The following ZNF33B variants were observed in gnomAD, a reference collection of about 807,000 sequenced individuals.
ZNF33B encodes the protein zinc finger protein 33B.
ZNF33B carries 29 observed loss-of-function variants against 45.8 expected under a neutral mutation model. The ratio of observed to expected loss-of-function variants is 0.63; its 90% CI spans 0.47 to 0.86. The LOEUF (loss-of-function observed/expected upper bound fraction) is 0.86, where lower values mean the gene tolerates loss of function less well. ZNF33B is among the 40% of genes least tolerant of loss of function. ZNF33B has a pLI of 0.00. For synonymous variants in ZNF33B, 305 were observed against 307.8 expected (o/e 0.99, Z 0.10); for missense variants, 831 against 909.9 (o/e 0.91, Z 1.12).
At chr10:42,624,155 T>G (rs148974939) in intron 4 of ZNF33B, among the ~76,000 whole-genome samples, 195 of 152,266 alleles carry the variant, frequency 1.3e-3, no homozygotes, top group Non-Finnish European at 1.6e-3. Context: ...TTCCTCTTCC[T>G]GTAAGGCACT....
At chr10:42,605,611 G>T (rs909962640) in intron 4 of ZNF33B, among the ~76,000 whole-genome samples, 2 of 152,056 alleles carry the variant, frequency 1.3e-5, no homozygotes, top group Non-Finnish European at 2.9e-5. Flanking sequence ...AGTTCTTTAG[G>T]GTGAAAACAA....
chr10:42,592,554 G>C lies in ZNF33B; in HGVS notation c.*59C>G. Reference sequence around the variant, plus strand: ...ATGTCAACAGGCCCTTCTCCACAGTGTGAAGACTCTGAGGCATTATGGAGG... The same window carrying C: ...ATGTCAACAGGCCCTTCTCCACAGTCTGAAGACTCTGAGGCATTATGGAGG... On this transcript the variant is annotated 3_prime_UTR_variant, in exon 5 of 5. Coordinates refer to ENST00000359467, the MANE Select transcript of ZNF33B (RefSeq NM_006955.3). 6.4e-7 allele frequency: 1 copy of C among 1,564,548 alleles called. No homozygotes were observed. The highest frequency in any genetic ancestry group is 2.2e-5 in the East Asian group (1 of 44,620).
At position 42,592,938 on chromosome 10, in the gene ZNF33B, C is replaced by T. The variant is rs375182481; in HGVS notation, c.2012G>A (p.Gly671Glu). The change falls in exon 5 of 5, where the codon GGA (glycine) becomes GAA (glutamate). Residue 671 changes from glycine (G) to glutamate (E), a missense_variant. Coordinates refer to ENST00000359467, the MANE Select transcript of ZNF33B (RefSeq NM_006955.3). ...QEKPYKCNEC[G>E]KSFCVKSGLI... ...TCCTGACTTCACACAGAAAGATTTTCCACATTCGTTACATTTATAAGGCTT... is the reference window on the plus strand; with the variant it reads ...TCCTGACTTCACACAGAAAGATTTTTCACATTCGTTACATTTATAAGGCTT... 30 of 1,613,660 alleles carry T rather than the reference C, an allele frequency of 1.9e-5. No homozygotes were observed. The highest frequency in any genetic ancestry group is 4.2e-6 in the Non-Finnish European group (5 of 1,179,950).
intron 4 of ZNF33B, among the ~76,000 whole-genome samples, chr10:42,603,789 T>G (rs1217001018): frequency 7.3e-6 from 1 of 137,754 alleles, no homozygotes; most frequent in Non-Finnish European, 1.7e-5. Flanking sequence ...ACAGAAAGAT[T>G]CACTCAAAGA....
rs1408532047 is a variant in ZNF33B, at chr10:42,593,327, T to C, written c.1623A>G (p.Thr541=). Residue 541 remains threonine, a synonymous_variant, in exon 5 of 5, where the codon ACA becomes ACG. Coordinates refer to ENST00000359467, the MANE Select transcript of ZNF33B (RefSeq NM_006955.3). ...GKTFCLKSDL[T]IHQRTHTGEK... is the part of the protein sequence containing the mutation. Reference sequence around the variant, plus strand: ...CCCCTGTGTGCGTTCTCTGATGTATTGTGAGGTCTGACTTCAAGCAGAAGG... The same window carrying C: ...CCCCTGTGTGCGTTCTCTGATGTATCGTGAGGTCTGACTTCAAGCAGAAGG... 8 of 1,612,102 alleles carry C rather than the reference T, an allele frequency of 5.0e-6. No homozygotes were observed. The highest frequency in any genetic ancestry group is 6.8e-6 in the Non-Finnish European group (8 of 1,179,326).
intron 2 of ZNF33B, among the ~76,000 whole-genome samples, chr10:42,633,131 G>T (rs557277229): frequency 6.6e-6 from 1 of 152,246 alleles, no homozygotes; most frequent in East Asian, 1.9e-4. Context: ...TTCTCATTTA[G>T]ATTTAAAAAT....
chr10:42,613,916 G>A (rs958409389), intron 4 of ZNF33B, among the ~76,000 whole-genome samples: 1 of 152,122 alleles, frequency 6.6e-6, no homozygotes, highest in African/African-American at 2.4e-5. Context: ...ATTTCAGAAA[G>A]GAAATATATA....
At chr10:42,627,040 T>C (rs1050871429) in intron 4 of ZNF33B, among the ~76,000 whole-genome samples, 1 of 152,080 alleles carries the variant, frequency 6.6e-6, no homozygotes, top group African/African-American at 2.4e-5. Context: ...TTTTGCTCTG[T>C]TGCCCAGGCT....
intron 4 of ZNF33B, among the ~76,000 whole-genome samples, chr10:42,604,586 A>G (rs1043707688): frequency 1.3e-5 from 2 of 152,148 alleles, no homozygotes; most frequent in African/African-American, 4.8e-5. Context: ...TTCAAAAATT[A>G]TAACTGCAAT....
At position 42,612,466 on chromosome 10, in the gene ZNF33B, C is replaced by T. The variant is rs371036876; in HGVS notation, c.251-17767G>A. ...GGCCAGGCTGGTCTCGAACTCCTCA[C>T]ATCAGGTGATCCATTCACCTCAGCA... is the stretch of plus-strand genomic sequence containing the variant. On this transcript the variant is annotated intron_variant, in intron 4 of 4. Coordinates refer to ENST00000359467, the MANE Select transcript of ZNF33B (RefSeq NM_006955.3). Among the ~76,000 whole-genome samples, 86 of 152,174 alleles carry T rather than the reference C, an allele frequency of 5.7e-4. 2 individuals carry two copies. The East Asian group carries it at 0.015, about 26-fold the overall frequency.
chr10:42,633,197 A>C (rs948161175), intron 2 of ZNF33B, among the ~76,000 whole-genome samples: 3 of 152,234 alleles, frequency 2.0e-5, no homozygotes, highest in African/African-American at 7.2e-5. Flanking sequence ...CTAATCCTTT[A>C]ATTCAAAGAC....
intron 4 of ZNF33B, among the ~76,000 whole-genome samples, chr10:42,603,741 G>T (rs28650911): frequency 6.6e-6 from 1 of 152,308 alleles, no homozygotes; most frequent in East Asian, 1.9e-4. Context: ...TCAGCAAAGT[G>T]TAACAGCAAC....
chr10:42,581,538 C>G (rs371152299), intron 1 of ZNF33B: 2 of 151,332 alleles, frequency 1.3e-5, no homozygotes, highest in East Asian at 3.9e-4. Context: ...TGGCAACCAG[C>G]CCACTGGAAT....
chr10:42,583,175 G>A, intron 1 of ZNF33B: 2 of 765,032 alleles, frequency 2.6e-6, no homozygotes, highest in East Asian at 2.5e-5. Flanking sequence ...TCTGTCTTAG[G>A]GTTGATGTGA....
intron 4 of ZNF33B, among the ~76,000 whole-genome samples, chr10:42,628,019 C>T (rs1838888037): frequency 6.6e-6 from 1 of 151,954 alleles, no homozygotes; most frequent in Non-Finnish European, 1.5e-5. Flanking sequence ...GGGCACTATT[C>T]TTTTTCCTTT....
At chr10:42,583,628 G>A (rs190738659) in intron 1 of ZNF33B, among the ~76,000 whole-genome samples, 1 of 152,170 alleles carries the variant, frequency 6.6e-6, no homozygotes, top group African/African-American at 2.4e-5. Context: ...CTAACCCCCA[G>A]GTGTGATAAT....
downstream of ZNF33B, among the ~76,000 whole-genome samples, chr10:42,586,149 G>GTTT (rs1173173375): frequency 1.9e-5 from 2 of 105,124 alleles, no homozygotes; most frequent in Admixed American, 1.2e-4. Flanking sequence ...ATTTTCCTCA[G>GTTT]ATTTTTTTTT....
chr10:42,575,639 A>G (rs756847141), intron 1 of ZNF33B, among the ~76,000 whole-genome samples: 1 of 151,360 alleles, frequency 6.6e-6, no homozygotes, highest in Non-Finnish European at 1.5e-5. Flanking sequence ...TTTATATACC[A>G]CTAGTGTCAT....
intron 1 of ZNF33B, among the ~76,000 whole-genome samples, chr10:42,575,853 C>A (rs140510529): frequency 0.017 from 2,611 of 151,592 alleles, 79 homozygotes; most frequent in African/African-American, 0.06. Context: ...CCTCAGCCTC[C>A]CCAGTAGCTG....
Sources: gnomAD v4.1 joint callset for allele counts (sites outside exome capture counted in the v4.1 genomes callset) on GRCh38, gnomAD v4.1.1 for gene constraint, MANE v1.5 for transcripts, NCBI Gene and HGNC (gene_info 2026-07-23, HGNC 2026-07-21) for gene names.